The following TRAPPC8 variants were observed in gnomAD, a reference collection of about 807,000 sequenced individuals.
TRAPPC8 encodes general sporulation gene 1 homolog.
In TRAPPC8, 54 loss-of-function variants were observed where a neutral mutation model predicts 174.3. The ratio of observed to expected loss-of-function variants is 0.31; its 90% confidence interval spans 0.25 to 0.39. TRAPPC8 has a LOEUF of 0.39. Among genes scored for constraint, TRAPPC8 ranks in the 10% least tolerant of loss-of-function variants. The probability of loss-of-function intolerance (pLI) is 1.00; values close to 1 mark genes in which losing one functional copy is unlikely to be tolerated. For missense variants in TRAPPC8, 1,531 were observed against 1,699.1 expected, an observed-to-expected ratio of 0.90 and a Z score of 1.74; for synonymous variants, 630 against 579.9, an observed-to-expected ratio of 1.09 and a Z score of -1.24.
intron 9 of TRAPPC8, among the ~76,000 whole-genome samples, chr18:31,904,364 AC>A (rs1472830925): frequency 5.9e-5 from 9 of 152,184 alleles, no homozygotes; most frequent in Non-Finnish European, 8.8e-5. Context: ...AGCCTGACCA[AC>A]ATGGAGAAAC....
Position 31,911,192 on chromosome 18 carries a change from T to C in TRAPPC8, c.772-1432A>G, listed in dbSNP as rs548661337. 1.2e-4 allele frequency among the ~76,000 whole-genome samples: 19 copies of C among 152,346 alleles called. No individual in the cohort carries two copies. The South Asian group carries it at 3.3e-3, about 27-fold the overall frequency. On this transcript the variant is annotated intron_variant, in intron 5 of 28. Coordinates refer to ENST00000283351, the MANE Select transcript of TRAPPC8 (RefSeq NM_014939.5). ...ACACAGAGTGCATAATATAGTTTAATTGAACAATATAAATATATTTTCCAT... is the reference window on the plus strand; with the variant it reads ...ACACAGAGTGCATAATATAGTTTAACTGAACAATATAAATATATTTTCCAT...
At chr18:31,894,104 T>G (rs1490172134) in intron 11 of TRAPPC8, among the ~76,000 whole-genome samples, 1 of 152,222 alleles carries the variant, frequency 6.6e-6, no homozygotes, top group Non-Finnish European at 1.5e-5. Context: ...TTCCATGGTA[T>G]TAATTTGGCT....
At chr18:31,938,072 GTGTT>G (rs2038180068) in intron 1 of TRAPPC8, among the ~76,000 whole-genome samples, 2 of 152,068 alleles carry the variant, frequency 1.3e-5, no homozygotes, top group Non-Finnish European at 2.9e-5. Context: ...TTCCAAGTTA[GTGTT>G]TAAGTGAAAT....
intron 10 of TRAPPC8, among the ~76,000 whole-genome samples, chr18:31,900,669 G>A (rs758829192): frequency 6.6e-6 from 1 of 152,102 alleles, no homozygotes; most frequent in Admixed American, 6.5e-5. Context: ...GCAGTTTAAA[G>A]CTAGAAATGT....
intron 1 of TRAPPC8, among the ~76,000 whole-genome samples, chr18:31,936,903 A>T (rs1285616968): frequency 4.8e-4 from 8 of 16,672 alleles, no homozygotes; most frequent in African/African-American, 7.8e-4. Context: ...CTCCGTCTTT[A>T]AAAAAAAAAA....
At chr18:31,902,445 T>C (rs1308881041) in intron 9 of TRAPPC8, among the ~76,000 whole-genome samples, 1 of 152,218 alleles carries the variant, frequency 6.6e-6, no homozygotes, top group East Asian at 1.9e-4. Context: ...TTACCCCCAG[T>C]GTTCTCCCAG....
chr18:31,886,248 A>T (rs939022254), intron 12 of TRAPPC8, among the ~76,000 whole-genome samples: 1 of 149,938 alleles, frequency 6.7e-6, no homozygotes, highest in African/African-American at 2.5e-5. Flanking sequence ...ACCTCAGGTG[A>T]TCAGCCCACC....
At chr18:31,890,178 C>T (rs1343557989) in intron 12 of TRAPPC8, among the ~76,000 whole-genome samples, 1 of 152,116 alleles carries the variant, frequency 6.6e-6, no homozygotes, top group Non-Finnish European at 1.5e-5. Flanking sequence ...CTCTCAGCCT[C>T]CAAGAAAGCT....
intron 1 of TRAPPC8, among the ~76,000 whole-genome samples, chr18:31,933,805 TAAA>T (rs11388008): frequency 1.3e-5 from 2 of 150,658 alleles, no homozygotes; most frequent in East Asian, 3.9e-4. Context: ...CATTTTTTAC[TAAA>T]AAAAAAGACT....
rs145562104 is a variant in TRAPPC8, at chr18:31,886,505, A to C, written c.1728+4230T>G. 5.8e-3 allele frequency among the ~76,000 whole-genome samples: 883 copies of C among 152,300 alleles called. 4 individuals carry two copies. Among genetic ancestry groups the C allele is most frequent in the African/African-American group, 0.02 (830 of 41,560 alleles). On this transcript the variant is annotated intron_variant, in intron 12 of 28. Coordinates refer to ENST00000283351, the MANE Select transcript of TRAPPC8 (RefSeq NM_014939.5). ...TGGATTTTTAAAGATTTTTTTGGAA[A>C]AGAAATTTAAATGAGGTAAAAAGGT...
At chr18:31,902,451 C>CCCAGATATTCTG (rs1199654461) in intron 9 of TRAPPC8, among the ~76,000 whole-genome samples, 1 of 152,226 alleles carries the variant, frequency 6.6e-6, no homozygotes, top group Non-Finnish European at 1.5e-5. Context: ...CCAGTGTTCT[C>CCCAGATATTCTG]CCAGATATTC....
chr18:31,928,368 G>A (rs1377806700), intron 2 of TRAPPC8, among the ~76,000 whole-genome samples: 3 of 113,220 alleles, frequency 2.6e-5, no homozygotes, highest in Non-Finnish European at 4.0e-5. Context: ...CACACACACA[G>A]ATTTTAATTA....
intron 2 of TRAPPC8, among the ~76,000 whole-genome samples, chr18:31,918,030 G>C (rs2037223848): frequency 6.6e-6 from 1 of 152,072 alleles, no homozygotes; most frequent in Non-Finnish European, 1.5e-5. Context: ...GCAGGCTGAG[G>C]CAGTAGAACT....
Position 31,931,488 on chromosome 18 carries a change from T to C in TRAPPC8, c.193A>G (p.Ile65Val), listed in dbSNP as rs2037842951. The change falls in exon 2 of 29, where the codon ATT becomes GTT. Residue 65 changes from isoleucine to valine, a missense_variant. Transcript: ENST00000283351. The stretch of plus-strand genomic sequence containing the variant: ...CTTACTGCTATCTTCAAATTTTTAA[T>C]TACGTGAAGTTGATTATTAGGATCT... ...MRDPNNQLHV[I>V]KNLKIAVSNI... The C allele has an allele frequency of 7.5e-6, 12 of 1,602,926 alleles. No homozygotes were observed. The highest frequency in any genetic ancestry group is 9.4e-6 in the Non-Finnish European group (11 of 1,176,040).
chr18:31,879,191 A>G (rs1009284103), intron 12 of TRAPPC8, among the ~76,000 whole-genome samples: 8 of 152,200 alleles, frequency 5.3e-5, no homozygotes, highest in African/African-American at 1.9e-4. Flanking sequence ...TTATCTGTGC[A>G]TGGAACATTC....
At chr18:31,867,186 A>G (rs2034628602) in intron 17 of TRAPPC8, among the ~76,000 whole-genome samples, 1 of 152,230 alleles carries the variant, frequency 6.6e-6, no homozygotes, top group Non-Finnish European at 1.5e-5. Flanking sequence ...TAAAAAGCAT[A>G]TCAAGAAGAA....
At chr18:31,923,838 C>T (rs1025502347) in intron 2 of TRAPPC8, among the ~76,000 whole-genome samples, 1 of 152,054 alleles carries the variant, frequency 6.6e-6, no homozygotes, top group African/African-American at 2.4e-5. Context: ...CTTAGTGAGA[C>T]CCTATCTCTA....
intron 24 of TRAPPC8, among the ~76,000 whole-genome samples, chr18:31,851,077 A>C (rs1160199098): frequency 6.6e-6 from 1 of 152,230 alleles, no homozygotes; most frequent in African/African-American, 2.4e-5. Flanking sequence ...AGTCAGATGA[A>C]AGCAAATGAT....
chr18:31,885,384 G>A lies in TRAPPC8; in HGVS notation c.1728+5351C>T, dbSNP rs376181683. ...GAGTGTTTAAGTCATGAAGTCAAACGATCCTTTGACTAAAAAAGGATAAAA... is the reference window on the plus strand; with the variant it reads ...GAGTGTTTAAGTCATGAAGTCAAACAATCCTTTGACTAAAAAAGGATAAAA... On this transcript the variant is annotated intron_variant, in intron 12 of 28. Transcript: ENST00000283351. 2.0e-5 allele frequency among the ~76,000 whole-genome samples: 3 copies of A among 152,188 alleles called. No individual in the cohort carries two copies. The South Asian group carries it at 6.2e-4, about 32-fold the overall frequency.
Sources: gnomAD v4.1 joint callset for allele counts (sites outside exome capture counted in the v4.1 genomes callset) on GRCh38, gnomAD v4.1.1 for gene constraint, MANE v1.5 for transcripts, NCBI Gene and HGNC (gene_info 2026-07-23, HGNC 2026-07-21) for gene names.